The following ERC2 variants were observed in gnomAD, a reference collection of about 807,000 sequenced individuals.
The protein encoded by ERC2 is ELKS/RAB6-interacting/CAST family member 2.
ERC2 carries 42 observed loss-of-function variants against 114.8 expected under a neutral mutation model. The ratio of observed to expected loss-of-function variants is 0.37; its 90% CI spans 0.29 to 0.47. The LOEUF (loss-of-function observed/expected upper bound fraction) is 0.47. Ranked by LOEUF, ERC2 falls within the 20% of genes least tolerant of loss-of-function variation. The pLI is 0.99. For synonymous variants in ERC2, 454 were observed against 425.5 expected, an observed-to-expected ratio of 1.07 and a Z score of -0.82; for missense variants, 939 against 1,150.7, an observed-to-expected ratio of 0.82 and a Z score of 2.66.
intron 12 of ERC2, among the ~76,000 whole-genome samples, chr3:55,959,515 A>G (rs897966): frequency 0.42 from 64,017 of 152,092 alleles, 14,018 homozygotes; most frequent in African/African-American, 0.53. Context: ...AACTCCAAGG[A>G]AAAAGGCAAG....
chr3:56,036,687 C>A (rs1293639841), intron 7 of ERC2, among the ~76,000 whole-genome samples: 4 of 152,128 alleles, frequency 2.6e-5, no homozygotes, highest in African/African-American at 9.7e-5. Context: ...GCTCTCACCC[C>A]CAGACAAGGG....
chr3:55,972,639 G>A (rs2069253297), intron 12 of ERC2, among the ~76,000 whole-genome samples: 1 of 152,194 alleles, frequency 6.6e-6, no homozygotes, highest in African/African-American at 2.4e-5. Flanking sequence ...GTATTCCATG[G>A]TGTATATGTG....
intron 3 of ERC2, among the ~76,000 whole-genome samples, chr3:56,255,821 C>G (rs1490449537): frequency 2.0e-5 from 3 of 152,222 alleles, no homozygotes; most frequent in Non-Finnish European, 1.5e-5. Context: ...GGCTTAGACC[C>G]TCACTGTTCA....
intron 3 of ERC2, among the ~76,000 whole-genome samples, chr3:56,192,769 C>T (rs1026667304): frequency 6.6e-6 from 1 of 152,054 alleles, no homozygotes; most frequent in Non-Finnish European, 1.5e-5. Flanking sequence ...TGGAGCTAAG[C>T]CTGAAGAAGG....
chr3:56,128,583 T>A (rs2080025052), intron 6 of ERC2, among the ~76,000 whole-genome samples: 1 of 152,212 alleles, frequency 6.6e-6, no homozygotes, highest in South Asian at 2.1e-4. Context: ...CTTACCCAAA[T>A]GTACTTTTTG....
intron 1 of ERC2, among the ~76,000 whole-genome samples, chr3:56,459,030 A>C (rs2107558443): frequency 6.6e-6 from 1 of 152,232 alleles, no homozygotes; most frequent in Middle Eastern, 3.4e-3. Context: ...GAAAATAACC[A>C]GTGATCATGG....
chr3:55,639,248 AC>A (rs1302294302), intron 17 of ERC2, among the ~76,000 whole-genome samples: 6 of 152,208 alleles, frequency 3.9e-5, no homozygotes, highest in Non-Finnish European at 7.3e-5. Flanking sequence ...GGAGAAGAGC[AC>A]TACCTTCATC....
At chr3:55,943,330 T>C (rs532457251) in intron 13 of ERC2, among the ~76,000 whole-genome samples, 1 of 152,218 alleles carries the variant, frequency 6.6e-6, no homozygotes, top group Non-Finnish European at 1.5e-5. Context: ...AAAATGATAC[T>C]GCACGTGTTA....
intron 3 of ERC2, among the ~76,000 whole-genome samples, chr3:56,215,021 C>T (rs536147280): frequency 6.6e-6 from 1 of 152,280 alleles, no homozygotes; most frequent in African/African-American, 2.4e-5. Flanking sequence ...ACAACCGGTA[C>T]CAGCCACTGC....
At chr3:55,820,129 G>C (rs922985143) in intron 14 of ERC2, among the ~76,000 whole-genome samples, 2 of 152,166 alleles carry the variant, frequency 1.3e-5, no homozygotes, top group Non-Finnish European at 2.9e-5. Flanking sequence ...GTAAGTGTCA[G>C]GTGTCCACGT....
At chr3:56,233,713 G>A (rs2050771553) in intron 3 of ERC2, among the ~76,000 whole-genome samples, 1 of 152,132 alleles carries the variant, frequency 6.6e-6, no homozygotes, top group Non-Finnish European at 1.5e-5. Flanking sequence ...GTGTCAACAG[G>A]GCTGCATTCC....
chr3:56,069,803 G>A (rs146130596), intron 7 of ERC2, among the ~76,000 whole-genome samples: 1 of 152,236 alleles, frequency 6.6e-6, no homozygotes, highest in Admixed American at 6.5e-5. Context: ...TTATGACAAA[G>A]GCTCCAAATT....
At chr3:56,417,215 G>A (rs971661251) in intron 2 of ERC2, among the ~76,000 whole-genome samples, 6 of 152,120 alleles carry the variant, frequency 3.9e-5, no homozygotes, top group East Asian at 1.9e-4. Flanking sequence ...CAACATAAGC[G>A]TCTGCCTTTT....
At chr3:55,986,104 G>A in intron 11 of ERC2, 116 bp from the exon 12 acceptor site, 1 of 977,238 alleles carries the variant, frequency 1.0e-6, no homozygotes. Context: ...GCCAACAGAT[G>A]TTATATCAGC....
At chr3:56,158,965 C>A (rs917223941) in intron 4 of ERC2, among the ~76,000 whole-genome samples, 11 of 152,066 alleles carry the variant, frequency 7.2e-5, no homozygotes, top group African/African-American at 2.7e-4. Context: ...GTGGGGCCTG[C>A]AAGGAGGTGA....
intron 17 of ERC2, among the ~76,000 whole-genome samples, chr3:55,552,639 GA>G (rs35690246): frequency 0.02 from 2,877 of 140,756 alleles, 31 homozygotes; most frequent in African/African-American, 0.044. Context: ...TGGAAAAAAG[GA>G]AAAAAAAAAA....
chr3:56,386,136 A>G (rs2059926365), intron 2 of ERC2, among the ~76,000 whole-genome samples: 1 of 152,202 alleles, frequency 6.6e-6, no homozygotes, highest in Non-Finnish European at 1.5e-5. Flanking sequence ...TTAGAGATCC[A>G]GTGGCAAGGA....
At position 55,790,585 on chromosome 3, in the gene ERC2, C is replaced by T. The variant is rs573677228; in HGVS notation, c.2565-55667G>A. On this transcript the variant is annotated intron_variant, in intron 14 of 17. Coordinates refer to ENST00000288221, the MANE Select transcript of ERC2 (RefSeq NM_015576.3). ...CCTAAGAGCATCCCTCAGATAACAG[C>T]GGAAGGAAAATGGAGGGTGAATAAC... 5.3e-5 allele frequency among the ~76,000 whole-genome samples: 8 copies of T among 152,252 alleles called. No homozygotes were observed. In the South Asian group the frequency reaches 6.2e-4, roughly 12 times the overall value.
intron 13 of ERC2, among the ~76,000 whole-genome samples, chr3:55,934,140 G>A (rs1168020053): frequency 6.6e-6 from 1 of 152,178 alleles, no homozygotes; most frequent in Non-Finnish European, 1.5e-5. Context: ...ATGAGGGTAT[G>A]GCTAGCTGCC....
Sources: allele counts gnomAD v4.1 joint callset (sites outside exome capture counted in the v4.1 genomes callset), GRCh38; gene constraint gnomAD v4.1.1; transcripts MANE v1.5; gene names NCBI Gene and HGNC (gene_info 2026-07-23, HGNC 2026-07-21).